DENND1A: variants seen among roughly 807,000 people sequenced by gnomAD.
The protein encoded by DENND1A is DENN domain containing 1A, also known as DENN domain-containing protein 1A.
Under a neutral mutation model 113.7 loss-of-function variants are expected in DENND1A, and 51 were observed. The observed-to-expected ratio is 0.45, with a 90% CI of 0.36 to 0.57. The LOEUF is 0.57. Ranked by LOEUF, DENND1A falls within the 20% of genes least tolerant of loss-of-function variation. DENND1A has a pLI of 0.00. For synonymous variants in DENND1A, 565 were observed against 570.8 expected (o/e 0.99, Z 0.14); for missense variants, 1,258 against 1,395.9 (o/e 0.90, Z 1.57).
intron 1 of DENND1A, among the ~76,000 whole-genome samples, chr9:123,889,974 C>CG (rs764694318): frequency 8.6e-5 from 13 of 150,726 alleles, no homozygotes; most frequent in Non-Finnish European, 1.9e-4. Context: ...ACTCCATCTT[C>CG]GGGAAAAAAA....
In DENND1A at chr9:123,661,101, C is replaced by G. The variant is rs540015622; in HGVS notation, c.507+5925G>C. Among the ~76,000 whole-genome samples the G allele has an allele frequency of 2.0e-5, 3 of 152,168 alleles. No homozygotes were observed. The East Asian group carries it at 5.8e-4, about 29-fold the overall frequency. The stretch of plus-strand genomic sequence containing the variant: ...CGGATAAGGTGGGCAGGCACAGCAC[C>G]GAGCATTCAGCCCAACTCATAGCAC... On this transcript the variant is annotated intron_variant, in intron 8 of 23. Coordinates refer to ENST00000394215, the MANE Select transcript of DENND1A (RefSeq NM_001352964.2).
At chr9:123,790,549 C>G (rs763010961) in intron 3 of DENND1A, among the ~76,000 whole-genome samples, 1 of 152,146 alleles carries the variant, frequency 6.6e-6, no homozygotes, top group Non-Finnish European at 1.5e-5. Flanking sequence ...AAAACAAATA[C>G]TACTATACTA....
intron 18 of DENND1A, among the ~76,000 whole-genome samples, chr9:123,443,633 C>G (rs992566529): frequency 3.3e-5 from 5 of 152,220 alleles, no homozygotes; most frequent in Non-Finnish European, 7.3e-5. Context: ...ATGCCACAGG[C>G]AGCACAAGAG....
intron 5 of DENND1A, among the ~76,000 whole-genome samples, chr9:123,713,483 A>T (rs1005831403): frequency 2.0e-5 from 3 of 152,220 alleles, no homozygotes; most frequent in African/African-American, 7.2e-5. Flanking sequence ...ATCATCTGGG[A>T]ATCAGAGATT....
intron 5 of DENND1A, among the ~76,000 whole-genome samples, chr9:123,739,438 C>T (rs1176947951): frequency 6.6e-6 from 1 of 152,234 alleles, no homozygotes; most frequent in Non-Finnish European, 1.5e-5. Context: ...ATAAAGATAA[C>T]TTTCAGTTAT....
At chr9:123,803,713 C>T (rs1324140114) in intron 2 of DENND1A, among the ~76,000 whole-genome samples, 1 of 152,202 alleles carries the variant, frequency 6.6e-6, no homozygotes, top group African/African-American at 2.4e-5. Flanking sequence ...TAGAAACATG[C>T]TGTTATTTCT....
intron 13 of DENND1A, among the ~76,000 whole-genome samples, chr9:123,484,130 G>T (rs2050585787): frequency 6.6e-6 from 1 of 152,198 alleles, no homozygotes; most frequent in African/African-American, 2.4e-5. Flanking sequence ...TTCTCATTCA[G>T]AATCCTAGCA....
intron 3 of DENND1A, among the ~76,000 whole-genome samples, chr9:123,790,445 G>C (rs1482690820): frequency 1.3e-5 from 2 of 152,042 alleles, no homozygotes; most frequent in Admixed American, 1.3e-4. Flanking sequence ...TCTCTGCTAA[G>C]TGAGGCTGAG....
At chr9:123,587,013 C>A (rs535144198) in intron 11 of DENND1A, among the ~76,000 whole-genome samples, 1 of 151,728 alleles carries the variant, frequency 6.6e-6, no homozygotes, top group Admixed American at 6.6e-5. Flanking sequence ...CCAGGTGGAT[C>A]GGCAGGTTGA....
At chr9:123,408,300 T>C (rs2044041947) in intron 20 of DENND1A, among the ~76,000 whole-genome samples, 1 of 152,158 alleles carries the variant, frequency 6.6e-6, no homozygotes. Context: ...CCACTGGAAA[T>C]GCTTGCATAA....
intron 2 of DENND1A, among the ~76,000 whole-genome samples, chr9:123,845,191 G>C (rs1236731023): frequency 6.6e-6 from 1 of 151,886 alleles, no homozygotes; most frequent in South Asian, 2.1e-4. Context: ...CTACACTCCA[G>C]CCTGGGCAAG....
chr9:123,643,314 G>A (rs191575494), intron 9 of DENND1A, among the ~76,000 whole-genome samples: 13 of 152,198 alleles, frequency 8.5e-5, no homozygotes, highest in Admixed American at 1.3e-4. Flanking sequence ...AATGGTTTTC[G>A]GTTATGGGTG....
chr9:123,831,257 C>T (rs1030405657), intron 2 of DENND1A, among the ~76,000 whole-genome samples: 6 of 151,988 alleles, frequency 3.9e-5, no homozygotes, highest in East Asian at 1.9e-4. Flanking sequence ...GACTTATACA[C>T]GAATATCTAT....
chr9:123,513,918 C>A lies in DENND1A; in HGVS notation c.993+43652G>T, dbSNP rs913665258. ...TTCTCCCCTCCTAACTGGAGCCTGC[C>A]CAACATGGATCCCCAAAGGCTTAAC... On this transcript the variant is annotated intron_variant, in intron 13 of 23. Transcript: ENST00000394215. Among the ~76,000 whole-genome samples, 14 of 152,118 alleles carry A rather than the reference C, an allele frequency of 9.2e-5. 1 individual carries two copies. Among genetic ancestry groups the A allele is most frequent in the Admixed American group, 2.6e-4 (4 of 15,260 alleles).
chr9:123,654,862 C>A (rs988625032), intron 8 of DENND1A, among the ~76,000 whole-genome samples: 1 of 152,168 alleles, frequency 6.6e-6, no homozygotes, highest in East Asian at 1.9e-4. Flanking sequence ...CCTCGCTCAG[C>A]CGTGGGAGCA....
intron 21 of DENND1A, among the ~76,000 whole-genome samples, chr9:123,396,079 G>C (rs1405064715): frequency 6.6e-6 from 1 of 152,220 alleles, no homozygotes; most frequent in East Asian, 1.9e-4. Flanking sequence ...GTGGGCGTGG[G>C]AGGGAGGAGA....
chr9:123,408,705 C>T (rs1280557507), intron 20 of DENND1A, among the ~76,000 whole-genome samples: 2 of 152,220 alleles, frequency 1.3e-5, no homozygotes, highest in African/African-American at 4.8e-5. Context: ...TGCATTAGCT[C>T]AGCGCCTGAG....
At chr9:123,666,881 T>C (rs925721910) in intron 8 of DENND1A, 145 bp downstream of exon 8, 2 of 729,738 alleles carry the variant, frequency 2.7e-6, no homozygotes, top group African/African-American at 3.7e-5. Context: ...CTTCAGTTCT[T>C]ATACTTTTGT....
At chr9:123,484,222 G>C (rs2050594177) in intron 13 of DENND1A, among the ~76,000 whole-genome samples, 1 of 152,194 alleles carries the variant, frequency 6.6e-6, no homozygotes, top group South Asian at 2.1e-4. Context: ...AGGTGAAGGA[G>C]ACAGAGCTGG....
Sources: gnomAD v4.1 joint callset for allele counts (sites outside exome capture counted in the v4.1 genomes callset) on GRCh38, gnomAD v4.1.1 for gene constraint, MANE v1.5 for transcripts, NCBI Gene and HGNC (gene_info 2026-07-23, HGNC 2026-07-21) for gene names.